Variants in GATA6 observed in about 807,000 individuals in gnomAD.
GATA6 encodes the protein GATA binding protein 6, also known as transcription factor GATA-6.
Under a neutral mutation model 48.1 loss-of-function variants are expected in GATA6, and 11 were observed. The ratio of observed to expected loss-of-function variants is 0.23; its 90% CI spans 0.14 to 0.38. The LOEUF (loss-of-function observed/expected upper bound fraction) is 0.38, where lower values mean the gene tolerates loss of function less well. Ranked by LOEUF, GATA6 falls within the 10% of genes least tolerant of loss-of-function variation. The pLI is 1.00. For synonymous variants in GATA6, 419 were observed against 396.1 expected, an observed-to-expected ratio of 1.06 and a Z score of -0.69; for missense variants, 795 against 850.3, an observed-to-expected ratio of 0.93 and a Z score of 0.81.
intron 4 of GATA6, among the ~76,000 whole-genome samples, chr18:22,182,185 A>T (rs2033205702): frequency 6.6e-6 from 1 of 152,158 alleles, no homozygotes; most frequent in Admixed American, 6.5e-5. Flanking sequence ...ATGAATAGCT[A>T]CTCATTTCAA....
chr18:22,185,086 A>T lies in GATA6; in HGVS notation c.1620+2043A>T, dbSNP rs2143309119. On this transcript the variant is annotated intron_variant, in intron 6 of 6. Coordinates refer to ENST00000269216, the MANE Select transcript of GATA6 (RefSeq NM_005257.6). This position sits in a 1 kb window ranked among gnomAD's most constrained non-coding sequence, Gnocchi z 4.3. ...GTGATTTTGTGACGTAAAATTTCAA[A>T]ATTTGCTATTAGCAAGTCCTATCGG... Among the ~76,000 whole-genome samples, 1 of 152,330 alleles carries T rather than the reference A, an allele frequency of 6.6e-6. No individual in the cohort carries two copies. The highest frequency in any genetic ancestry group is 2.1e-4 in the South Asian group (1 of 4,830).
intron 4 of GATA6, 49 bp downstream of exon 4, chr18:22,181,627 G>C (rs760125896): frequency 2.5e-6 from 4 of 1,604,702 alleles, no homozygotes; most frequent in South Asian, 1.1e-5. Flanking sequence ...TATCTGGTTT[G>C]TATGTGATAT....
Position 22,171,083 on chromosome 18 carries a change from A to G in GATA6, c.-37-25A>G. The G allele has an allele frequency of 6.9e-7, 1 of 1,450,242 alleles. No homozygotes were observed. The highest frequency in any genetic ancestry group is 1.7e-5 in the Admixed American group (1 of 57,822). The allele number at this position is 1,450,242 out of a possible 1,614,324, so 89.8% of individuals were successfully genotyped here. A position where few individuals can be genotyped will look rare whatever the true frequency, so the allele number is the denominator to read the frequency against. The stretch of plus-strand genomic sequence containing the variant: ...TGTTAACCCGTCGATCTCCTACCAT[A>G]CCCGTCTCCCCCACCCCACCTCAGG... On this transcript the variant is annotated intron_variant, in intron 1 of 6. Coordinates refer to ENST00000269216, the MANE Select transcript of GATA6 (RefSeq NM_005257.6). This position sits in a 1 kb window ranked among gnomAD's most constrained non-coding sequence, Gnocchi z 7.1.
chr18:22,186,754 TG>T (rs1020394247), intron 6 of GATA6, among the ~76,000 whole-genome samples: 1 of 152,246 alleles, frequency 6.6e-6, no homozygotes, highest in Non-Finnish European at 1.5e-5. Flanking sequence ...GTTGTCCTAA[TG>T]CCACGAAAAT....
rs201505018 is a variant in GATA6 at position 22,200,636 on chromosome 18, G to A, written c.1621-20G>A. 1 of 1,614,212 alleles carries A rather than the reference G, an allele frequency of 6.2e-7. No individual in the cohort carries two copies. The highest frequency in any genetic ancestry group is 8.5e-7 in the Non-Finnish European group (1 of 1,180,012). On this transcript the variant is annotated intron_variant, in intron 6 of 6. Transcript: ENST00000269216. ...CTTCTCACCTTCTCGTCTCTCCTCT[G>A]TGTCCCCCTCTTCTGCCAGGCGGGT...
chr18:22,179,685 G>GA (rs1372088952), intron 3 of GATA6, among the ~76,000 whole-genome samples: 1 of 152,080 alleles, frequency 6.6e-6, no homozygotes, highest in African/African-American at 2.4e-5. Flanking sequence ...CACAAAGAAA[G>GA]AAAAAAGAAA....
At chr18:22,173,446 T>A (rs930098105) in intron 2 of GATA6, among the ~76,000 whole-genome samples, 2 of 152,114 alleles carry the variant, frequency 1.3e-5, no homozygotes, top group African/African-American at 4.8e-5. Context: ...GTATCCCAGG[T>A]CTGTGCTTCT....
rs1345572372 is a variant in GATA6 at position 22,171,588 on chromosome 18, C to G, written c.444C>G (p.Tyr148Ter). 1 of 1,602,434 alleles carries G rather than the reference C, an allele frequency of 6.2e-7. No homozygotes were observed. The highest frequency in any genetic ancestry group is 1.7e-5 in the Admixed American group (1 of 59,952). ...CACCCGAGCAGCCGGAGGAGATGTACCAGACCCTCGCCGCTCTCTCCAGCC... is the reference window on the plus strand; with the variant it reads ...CACCCGAGCAGCCGGAGGAGATGTAGCAGACCCTCGCCGCTCTCTCCAGCC... Reference protein sequence around the residue: ...PFAPEQPEEMYQTLAALSSQG... With the variant: ...PFAPEQPEEM Residue 148 changes from tyrosine (Y) to a stop codon, truncating the protein, a stop_gained, in exon 2 of 7, where the codon TAC (tyrosine) becomes TAG (stop). Coordinates refer to ENST00000269216, the MANE Select transcript of GATA6 (RefSeq NM_005257.6). LOFTEE classifies it high-confidence loss of function. The surrounding 1 kb of genome is among the most constrained non-coding windows in gnomAD (Gnocchi z 7.1).
At chr18:22,186,963 T>C (rs1470686043) in intron 6 of GATA6, among the ~76,000 whole-genome samples, 1 of 152,216 alleles carries the variant, frequency 6.6e-6, no homozygotes, top group Non-Finnish European at 1.5e-5. Context: ...GCAGTGTGTT[T>C]CTGTCTGAAA....
chr18:22,190,910 T>C (rs758560538), intron 6 of GATA6, among the ~76,000 whole-genome samples: 3 of 152,222 alleles, frequency 2.0e-5, no homozygotes, highest in Non-Finnish European at 4.4e-5. Context: ...TCTGACCACA[T>C]TGGCCTTTGC....
Sources: gnomAD v4.1 joint callset for allele counts (sites outside exome capture counted in the v4.1 genomes callset) on GRCh38, gnomAD v4.1.1 for gene constraint, Gnocchi (gnomAD v3.1) non-coding constraint, MANE v1.5 for transcripts, NCBI Gene and HGNC (gene_info 2026-07-23, HGNC 2026-07-21) for gene names.